BLTP1: variants seen among roughly 807,000 people sequenced by gnomAD.
BLTP1 encodes the protein bridge-like lipid transfer protein family member 1.
At chr4:122,291,688 G>GCCATCTTAGAAGCATATAAGGAGGTTA in the BLTP1 span, 1 of 965,908 alleles carries the variant, frequency 1.0e-6, no homozygotes, top group Non-Finnish European at 1.2e-6. Context: ...TTAATGTACA[G>GCCATCTTAGAAGCATATAAGGAGGTTA]CCATCTTAGA....
chr4:122,199,964 A>G, the BLTP1 span: 2 of 973,302 alleles, frequency 2.1e-6, no homozygotes, highest in South Asian at 4.8e-5. Context: ...GGACTCATTA[A>G]TCAAGCAGAT....
chr4:122,285,366 G>A, the BLTP1 span, among the ~76,000 whole-genome samples: 1 of 152,074 alleles, frequency 6.6e-6, no homozygotes, highest in Non-Finnish European at 1.5e-5. Flanking sequence ...TTTTTATTTG[G>A]TGGTGTGCTA....
chr4:122,354,610 T>G, the BLTP1 span, among the ~76,000 whole-genome samples: 1 of 151,958 alleles, frequency 6.6e-6, no homozygotes, highest in Non-Finnish European at 1.5e-5. Flanking sequence ...GAAAGCTGAC[T>G]AGATTGACAG....
chr4:122,271,202 T>C, the BLTP1 span: 5 of 1,613,870 alleles, frequency 3.1e-6, no homozygotes, highest in Non-Finnish European at 4.2e-6. Context: ...TACTATTTCC[T>C]GTCAGTCAAT....
chr4:122,175,102 A>T, the BLTP1 span: 1 of 974,144 alleles, frequency 1.0e-6, no homozygotes, highest in Middle Eastern at 5.3e-4. Context: ...TAAGGATATG[A>T]TTGAAATGTT....
the BLTP1 span, chr4:122,181,263 T>G: frequency 1.7e-5 from 16 of 968,718 alleles, no homozygotes; most frequent in Non-Finnish European, 1.8e-5. Context: ...AGAGCTATAC[T>G]GGACAACTGA....
the BLTP1 span, chr4:122,243,864 A>G: frequency 2.0e-5 from 32 of 1,591,446 alleles, no homozygotes; most frequent in Non-Finnish European, 2.5e-5. Context: ...TACGCCGTAT[A>G]CTCCATTGGA....
At chr4:122,349,110 C>A in the BLTP1 span, 1 of 1,460,992 alleles carries the variant, frequency 6.8e-7, no homozygotes. The surrounding 1 kb of genome is among the most constrained non-coding windows in gnomAD (Gnocchi z 4.5). Context: ...TGTTTTAATT[C>A]ATGACACTGG....
At chr4:122,357,751 T>C in the BLTP1 span, among the ~76,000 whole-genome samples, 6 of 152,192 alleles carry the variant, frequency 3.9e-5, no homozygotes, top group Non-Finnish European at 2.9e-5. Flanking sequence ...AATGGTAAAA[T>C]CACATATGTG....
At chr4:122,307,659 C>G in the BLTP1 span, 1 of 985,122 alleles carries the variant, frequency 1.0e-6, no homozygotes, top group Non-Finnish European at 1.2e-6. Context: ...ATCCCAGTAT[C>G]TAACATATAA....
chr4:122,166,145 G>A, the BLTP1 span, among the ~76,000 whole-genome samples: 1 of 152,042 alleles, frequency 6.6e-6, no homozygotes, highest in African/African-American at 2.4e-5. Flanking sequence ...TGAAATCCTT[G>A]CCCATGCCTA....
At chr4:122,159,507 T>C in the BLTP1 span, among the ~76,000 whole-genome samples, 1 of 151,730 alleles carries the variant, frequency 6.6e-6, no homozygotes, top group Non-Finnish European at 1.5e-5. Flanking sequence ...AGGAATGAAA[T>C]ACATTTTAAT....
the BLTP1 span, chr4:122,263,042 C>T: frequency 3.2e-6 from 5 of 1,539,640 alleles, no homozygotes; most frequent in Non-Finnish European, 4.4e-6. Flanking sequence ...TGAGATGAAA[C>T]AGGACTTAAG....
chr4:122,238,235 A>G, the BLTP1 span: 1 of 1,613,850 alleles, frequency 6.2e-7, no homozygotes, highest in Non-Finnish European at 8.5e-7. Flanking sequence ...CAGTAGTTCT[A>G]GTGCTGCACA....
At chr4:122,249,738 C>A in the BLTP1 span, 2 of 1,592,900 alleles carry the variant, frequency 1.3e-6, no homozygotes, top group Non-Finnish European at 8.6e-7. Flanking sequence ...TCCTATATTG[C>A]AGAAATGTTT....
At chr4:122,154,272 T>C in the BLTP1 span, 1 of 940,806 alleles carries the variant, frequency 1.1e-6, no homozygotes, top group East Asian at 1.3e-4. Context: ...ACCTCCCGGG[T>C]TCACGCCATT....
the BLTP1 span, chr4:122,161,005 A>G: frequency 7.5e-5 from 16 of 213,172 alleles, no homozygotes; most frequent in African/African-American, 3.8e-4. Context: ...GTGATTGTGC[A>G]GAGTACATAA....
chr4:122,162,519 CTCT>C, the BLTP1 span: 4 of 985,258 alleles, frequency 4.1e-6, no homozygotes, highest in East Asian at 1.1e-4. Flanking sequence ...TTCTTTCCAA[CTCT>C]TCTTCTTTGA....
chr4:122,247,752 C>A, the BLTP1 span: 1 of 1,010,254 alleles, frequency 9.9e-7, no homozygotes, highest in Non-Finnish European at 1.2e-6. Flanking sequence ...TAATATTAAT[C>A]AAAACCAGAG....
Sources: gnomAD v4.1 joint callset for allele counts (sites outside exome capture counted in the v4.1 genomes callset) on GRCh38, gnomAD v4.1.1 for gene constraint, Gnocchi (gnomAD v3.1) non-coding constraint, MANE v1.5 for transcripts, NCBI Gene and HGNC (gene_info 2026-07-23, HGNC 2026-07-21) for gene names.